The following BCL11B variants were observed in gnomAD, a reference collection of about 807,000 sequenced individuals.
BCL11B encodes BCL11 transcription factor B.
Under a neutral mutation model 49.9 loss-of-function variants are expected in BCL11B, and 8 were observed. That is an observed-to-expected ratio of 0.16 (90% confidence interval 0.09 to 0.29). The LOEUF (loss-of-function observed/expected upper bound fraction) is 0.29. BCL11B is among the 10% of genes least tolerant of loss of function. BCL11B has a pLI of 1.00. For missense variants in BCL11B, 1,006 were observed against 1,351.0 expected (o/e 0.74, Z 4.00); for synonymous variants, 739 against 637.4 (o/e 1.16, Z -2.40).
chr14:99,199,602 T>C (rs1007016139), intron 3 of BCL11B, among the ~76,000 whole-genome samples: 8 of 151,158 alleles, frequency 5.3e-5, no homozygotes, highest in African/African-American at 1.7e-4. Context: ...TCTTTTTGAC[T>C]GAAAAGGGAG....
At position 99,257,652 on chromosome 14, in the gene BCL11B, G is replaced by A. The variant is rs144204410; in HGVS notation, c.246C>T (p.Gly82=). ...VFIEHKRKQC[G]GSLGACYDKA... ...TGTCATAGCAGGCACCCAAGCTGCCGCCACACTGCTTCCTTTTGTGCTCTA... is the reference window on the plus strand; with the variant it reads ...TGTCATAGCAGGCACCCAAGCTGCCACCACACTGCTTCCTTTTGTGCTCTA... Residue 82 remains glycine, a synonymous_variant, in exon 2 of 4, where the codon GGC becomes GGT. Coordinates refer to ENST00000357195, the MANE Select transcript of BCL11B (RefSeq NM_138576.4). This position sits in a 1 kb window ranked among gnomAD's most constrained non-coding sequence, Gnocchi z 6.2. 77 of 1,613,014 alleles carry A rather than the reference G, an allele frequency of 4.8e-5. No individual in the cohort carries two copies. Among genetic ancestry groups the A allele is most frequent in the Middle Eastern group, 3.3e-4 (2 of 6,056 alleles).
At chr14:99,196,067 C>T (rs1238505848) in intron 3 of BCL11B, among the ~76,000 whole-genome samples, 2 of 152,300 alleles carry the variant, frequency 1.3e-5, no homozygotes, top group South Asian at 2.1e-4. Flanking sequence ...AAAACCCCAG[C>T]GGTCCGAGGC....
intron 2 of BCL11B, among the ~76,000 whole-genome samples, chr14:99,237,470 C>T (rs1888536766): frequency 6.6e-6 from 1 of 152,058 alleles, no homozygotes; most frequent in African/African-American, 2.4e-5. Flanking sequence ...GCTCACTGCC[C>T]CAGAGCATCT....
At chr14:99,209,977 T>TCATCAAG (rs1322132887) in intron 3 of BCL11B, among the ~76,000 whole-genome samples, 1 of 151,824 alleles carries the variant, frequency 6.6e-6, no homozygotes, top group Non-Finnish European at 1.5e-5. Context: ...CCCGAGACTC[T>TCATCAAG]CATCAAGGGC....
chr14:99,210,914 AC>A (rs1887669493), intron 3 of BCL11B, among the ~76,000 whole-genome samples: 2 of 152,146 alleles, frequency 1.3e-5, no homozygotes, highest in Admixed American at 6.5e-5. Flanking sequence ...ACCAACGATG[AC>A]AATGATCCTA....
chr14:99,199,709 T>C (rs1304298998), intron 3 of BCL11B, among the ~76,000 whole-genome samples: 3 of 130,380 alleles, frequency 2.3e-5, no homozygotes, highest in East Asian at 2.4e-4. Flanking sequence ...CGTGCACGTG[T>C]GTGCGTGTGT....
intron 3 of BCL11B, among the ~76,000 whole-genome samples, chr14:99,202,562 T>C (rs940748601): frequency 2.6e-5 from 4 of 152,002 alleles, no homozygotes; most frequent in African/African-American, 4.8e-5. Flanking sequence ...CCTGAAGCCA[T>C]GCGCAAGGCA....
intron 1 of BCL11B, among the ~76,000 whole-genome samples, chr14:99,258,084 C>T (rs540658790): frequency 9.9e-5 from 15 of 152,282 alleles, no homozygotes; most frequent in African/African-American, 3.4e-4. Flanking sequence ...TAAGTAGTGC[C>T]GATCTTACTG....
At chr14:99,235,958 T>C (rs1467196467) in intron 2 of BCL11B, among the ~76,000 whole-genome samples, 1 of 152,064 alleles carries the variant, frequency 6.6e-6, no homozygotes, top group African/African-American at 2.4e-5. Context: ...GAGCCTGTAA[T>C]GAGGGCGATT....
intron 2 of BCL11B, among the ~76,000 whole-genome samples, chr14:99,236,104 C>G (rs376994000): frequency 1.3e-5 from 2 of 151,960 alleles, no homozygotes; most frequent in African/African-American, 4.8e-5. Context: ...TAAGCGCTTG[C>G]CAAGTGATTA....
At chr14:99,221,566 A>C (rs1000321747) in intron 3 of BCL11B, among the ~76,000 whole-genome samples, 4 of 152,254 alleles carry the variant, frequency 2.6e-5, no homozygotes, top group African/African-American at 9.6e-5. Flanking sequence ...CCTGCCAGGT[A>C]CAAGGCCAGG....
Position 99,271,323 on chromosome 14 carries a change from C to CCGCCGCT in BCL11B, c.-106_-105insAGCGGCG. ...GCGCCGCTGCCGCCGCTGCCGCCGC[C>CCGCCGCT]GCCGCCGCCGCCGCACCTCCTCCTC... is the stretch of plus-strand genomic sequence containing the variant. On this transcript the variant is annotated 5_prime_UTR_variant, in exon 1 of 4. Coordinates refer to ENST00000357195, the MANE Select transcript of BCL11B (RefSeq NM_138576.4). 2 of 410,542 alleles carry CCGCCGCT rather than the reference C, an allele frequency of 4.9e-6. No individual in the cohort carries two copies. Among genetic ancestry groups the CCGCCGCT allele is most frequent in the Non-Finnish European group, 3.8e-6 (1 of 264,558 alleles). The allele number at this position is 410,542 out of a possible 1,614,324, so 25.4% of individuals were successfully genotyped here. A position where few individuals can be genotyped will look rare whatever the true frequency, so the allele number is the denominator to read the frequency against.
At position 99,176,211 on chromosome 14, in the gene BCL11B, G is replaced by T; in HGVS notation, c.641-16C>A. The T allele has an allele frequency of 6.2e-7, 1 of 1,607,220 alleles. No homozygotes were observed. Among genetic ancestry groups the T allele is most frequent in the South Asian group, 1.1e-5 (1 of 90,732 alleles). On this transcript the variant is annotated splice_polypyrimidine_tract_variant and intron_variant, in intron 3 of 3. Transcript: ENST00000357195. ...TCATCTTTACCTGGGGAAACACACGGACAGAAAGGCAGAGACAGCGTGAGA... is the reference window on the plus strand; with the variant it reads ...TCATCTTTACCTGGGGAAACACACGTACAGAAAGGCAGAGACAGCGTGAGA...
chr14:99,265,263 A>G (rs768951607), intron 1 of BCL11B, among the ~76,000 whole-genome samples: 22 of 152,140 alleles, frequency 1.4e-4, no homozygotes, highest in Non-Finnish European at 2.9e-4. Context: ...CAATAACTCA[A>G]CCATGTGGTG....
chr14:99,214,667 T>A (rs1026598205), intron 3 of BCL11B, among the ~76,000 whole-genome samples: 1 of 151,076 alleles, frequency 6.6e-6, no homozygotes, highest in Non-Finnish European at 1.5e-5. Flanking sequence ...ATTTAAATAT[T>A]AAAAAAATAA....
At position 99,205,159 on chromosome 14, in the gene BCL11B, A is replaced by T. The variant is rs1287525378; in HGVS notation, c.640+26186T>A. Among the ~76,000 whole-genome samples the T allele has an allele frequency of 2.6e-4, 39 of 149,260 alleles. No individual in the cohort carries two copies. Among genetic ancestry groups the T allele is most frequent in the Admixed American group, 2.2e-3 (33 of 14,892 alleles). On this transcript the variant is annotated intron_variant, in intron 3 of 3. Coordinates refer to ENST00000357195, the MANE Select transcript of BCL11B (RefSeq NM_138576.4). The surrounding 1 kb of genome is among the most constrained non-coding windows in gnomAD (Gnocchi z 5.0). ...TTCACAACAGTAGGAAGAGGGAATTAAAAAAAAAACAGGCCCTTGAACGAA... is the reference window on the plus strand; with the variant it reads ...TTCACAACAGTAGGAAGAGGGAATTTAAAAAAAAACAGGCCCTTGAACGAA...
At chr14:99,249,848 C>T (rs1447801945) in intron 2 of BCL11B, among the ~76,000 whole-genome samples, 1 of 152,056 alleles carries the variant, frequency 6.6e-6, no homozygotes, top group Non-Finnish European at 1.5e-5. Context: ...TAACATCAGG[C>T]TGGGTGCGGT....
At position 99,175,045 on chromosome 14, in the gene BCL11B, C is replaced by T; in HGVS notation, c.1791G>A (p.Lys597=). The T allele has an allele frequency of 1.9e-6, 3 of 1,598,518 alleles. No homozygotes were observed. The highest frequency in any genetic ancestry group is 2.5e-6 in the Non-Finnish European group (3 of 1,177,216). The part of the protein sequence containing the change: ...LADEKALVLG[K]VMENVGLGAL... ...CGCCTAGGCCCACGTTCTCCATGAC[C>T]TTGCCCAGCACCAGCGCCTTCTCGT... The change falls in exon 4 of 4, where the codon AAG becomes AAA. Residue 597 remains lysine, a synonymous_variant. Coordinates refer to ENST00000357195, the MANE Select transcript of BCL11B (RefSeq NM_138576.4).
At chr14:99,234,996 C>T (rs533337937) in intron 2 of BCL11B, among the ~76,000 whole-genome samples, 2 of 152,262 alleles carry the variant, frequency 1.3e-5, no homozygotes, top group South Asian at 2.1e-4. Context: ...GTCTGTCACC[C>T]GTCTCTCTTC....
Sources: allele counts gnomAD v4.1 joint callset (sites outside exome capture counted in the v4.1 genomes callset), GRCh38; gene constraint gnomAD v4.1.1; non-coding constraint Gnocchi (gnomAD v3.1); transcripts MANE v1.5; gene names NCBI Gene and HGNC (gene_info 2026-07-23, HGNC 2026-07-21).